Variants in FMC1 observed in about 807,000 individuals in gnomAD.
FMC1 encodes the protein protein FMC1 homolog.
A neutral mutation model predicts 10.5 loss-of-function variants in FMC1; 6 were observed. That is an observed-to-expected ratio of 0.57 (90% CI 0.31 to 1.12). FMC1 has a LOEUF of 1.12. Ranked by LOEUF, FMC1 falls within the 50% of genes most tolerant of loss-of-function variation. The probability of loss-of-function intolerance (pLI) is 0.05; values close to 1 mark genes in which losing one functional copy is unlikely to be tolerated. For missense variants in FMC1, 146 were observed against 151.7 expected, an observed-to-expected ratio of 0.96 and a Z score of 0.20; for synonymous variants, 59 against 62.1, an observed-to-expected ratio of 0.95 and a Z score of 0.24.
chr7:139,343,882 C>T (rs572863664), intron 1 of FMC1, among the ~76,000 whole-genome samples: 156 of 145,558 alleles, frequency 1.1e-3, no homozygotes, highest in African/African-American at 3.8e-3. Flanking sequence ...GCCATGTTCA[C>T]GCTATTGCAC....
chr7:139,341,540 C>T lies in FMC1; in HGVS notation c.138+18C>T. 2 of 1,606,932 alleles carry T rather than the reference C, an allele frequency of 1.2e-6. No individual in the cohort carries two copies. On this transcript the variant is annotated intron_variant, in intron 1 of 1. Transcript: ENST00000297534. ...CACATCGGGTACGGGAGCCATGTCC[C>T]GGGTGCTCTACGTGCTGGGGAGGGA...
chr7:139,341,624 G>C, intron 1 of FMC1, 102 bp downstream of exon 1: 1 of 1,508,286 alleles, frequency 6.6e-7, no homozygotes, highest in South Asian at 1.3e-5. Flanking sequence ...GCATTTCTGA[G>C]GCCAACCCTC....
rs892018569 is a variant in FMC1 at position 139,345,852 on chromosome 7, T to C, written c.*148T>C. 2.3e-6 allele frequency: 2 copies of C among 861,064 alleles called. No individual in the cohort carries two copies. Among genetic ancestry groups the C allele is most frequent in the Non-Finnish European group, 3.3e-6 (2 of 598,982 alleles). 53.3% of individuals were successfully genotyped at this position (861,064 alleles called of 1,614,324 possible). On this transcript the variant is annotated 3_prime_UTR_variant, in exon 2 of 2. Coordinates refer to ENST00000297534, the MANE Select transcript of FMC1 (RefSeq NM_197964.5). Reference sequence around the variant, plus strand: ...TTAGGGGAATTAACTGGACATTTCATCTTTACTCTCAGTGAATTTACTGAA... The same window carrying C: ...TTAGGGGAATTAACTGGACATTTCACCTTTACTCTCAGTGAATTTACTGAA...
At chr7:139,345,462 C>G (rs370455583) in intron 1 of FMC1, 39 bp from the exon 2 acceptor site, 35 of 1,612,442 alleles carry the variant, frequency 2.2e-5, no homozygotes, top group Non-Finnish European at 4.2e-6. Flanking sequence ...ACCTGTATCT[C>G]TAGCTGGGTT....
intron 1 of FMC1, 82 bp from the exon 2 acceptor site, chr7:139,345,419 G>A (rs4410856): frequency 4.3e-5 from 67 of 1,560,406 alleles, no homozygotes; most frequent in Non-Finnish European, 5.6e-5. Flanking sequence ...TTTCACTCTA[G>A]TGAATGCTTA....
chr7:139,340,614 G>A (rs187458867), upstream of FMC1: 2,589 of 397,056 alleles, frequency 6.5e-3, 23 homozygotes, highest in Middle Eastern at 0.026. Flanking sequence ...GGTTTCGTGG[G>A]ATAGGGTAAG....
intron 1 of FMC1, 138 bp from the exon 2 acceptor site, chr7:139,345,363 A>G (rs1799221238): frequency 7.6e-7 from 1 of 1,315,530 alleles, no homozygotes; most frequent in South Asian, 1.5e-5. Context: ...TGTATTAAGT[A>G]TACATGTATA....
At chr7:139,340,794 T>C (rs1488500157), upstream of FMC1, among the ~76,000 whole-genome samples, 1 of 152,104 alleles carries the variant, frequency 6.6e-6, no homozygotes, top group African/African-American at 2.4e-5. Context: ...TTGTCCTTTT[T>C]TCCCCTTTCT....
At chr7:139,341,704 C>T (rs897822560) in intron 1 of FMC1, among the ~76,000 whole-genome samples, 182 bp downstream of exon 1, 1 of 151,946 alleles carries the variant, frequency 6.6e-6, no homozygotes, top group Admixed American at 6.6e-5. Context: ...AACTCGGGGA[C>T]CAAAGGACCA....
At position 139,341,521 on chromosome 7, in the gene FMC1, G is replaced by A; in HGVS notation, c.137G>A (p.Arg46Gln). The A allele has an allele frequency of 6.2e-7, 1 of 1,611,366 alleles. No individual in the cohort carries two copies. Residue 46 changes from arginine (R) to glutamine (Q), a missense_variant and splice_region_variant, in exon 1 of 2, where the codon CGG becomes CAG. Physicochemically the swap from Arg to Gln is conservative, Grantham distance 43. Coordinates refer to ENST00000297534, the MANE Select transcript of FMC1 (RefSeq NM_197964.5). ...CTTGTGAAGGCTTTCCGTGCACATC[G>A]GGTACGGGAGCCATGTCCCGGGTGC... ...RYLVKAFRAH[R>Q]VTSEKLCRAQ... is the part of the protein sequence containing the mutation.
upstream of FMC1, among the ~76,000 whole-genome samples, chr7:139,340,845 A>T (rs559163975): frequency 8.8e-3 from 1,269 of 143,766 alleles, 23 homozygotes; most frequent in African/African-American, 0.031. Context: ...TTTTTTTTTT[A>T]AATGGGAAGT....
At chr7:139,345,418 A>G in intron 1 of FMC1, 83 bp from the exon 2 acceptor site, 1 of 1,557,656 alleles carries the variant, frequency 6.4e-7, no homozygotes, top group Non-Finnish European at 8.7e-7. Context: ...CTTTCACTCT[A>G]GTGAATGCTT....
chr7:139,343,274 A>G (rs2131139003), intron 1 of FMC1, among the ~76,000 whole-genome samples: 1 of 152,366 alleles, frequency 6.6e-6, no homozygotes, highest in South Asian at 2.1e-4. Flanking sequence ...AATTTAAATT[A>G]CTAAAAAGTT....
chr7:139,341,644 C>T, intron 1 of FMC1, 122 bp downstream of exon 1: 1 of 1,471,834 alleles, frequency 6.8e-7, no homozygotes, highest in South Asian at 1.3e-5. Flanking sequence ...CCCACGGAGC[C>T]CTGGTTCTGA....
chr7:139,343,662 C>T (rs1357102574), intron 1 of FMC1, among the ~76,000 whole-genome samples: 1 of 152,078 alleles, frequency 6.6e-6, no homozygotes, highest in East Asian at 1.9e-4. Flanking sequence ...AGGCCAGGAG[C>T]GGTGGCTCAC....
chr7:139,342,762 C>A lies in FMC1; in HGVS notation c.138+1240C>A, dbSNP rs77792993. On this transcript the variant is annotated intron_variant, in intron 1 of 1. Coordinates refer to ENST00000297534, the MANE Select transcript of FMC1 (RefSeq NM_197964.5). ...CAGGCGTGAACTATCAAACCTGGCC[C>A]CATTCTAAGATTTTTAAGGAGGTGA... Among the ~76,000 whole-genome samples the A allele has an allele frequency of 4.3e-3, 657 of 152,206 alleles. 4 individuals are homozygous for A. Among genetic ancestry groups the A allele is most frequent in the African/African-American group, 0.015 (621 of 41,528 alleles).
At chr7:139,345,435 T>G in intron 1 of FMC1, 66 bp from the exon 2 acceptor site, 1 of 1,590,434 alleles carries the variant, frequency 6.3e-7, no homozygotes. Context: ...GCTTATTTAT[T>G]AAATCTTTCT....
chr7:139,344,402 A>C (rs560307240), intron 1 of FMC1, among the ~76,000 whole-genome samples: 1 of 152,288 alleles, frequency 6.6e-6, no homozygotes, highest in South Asian at 2.1e-4. Flanking sequence ...TGTCATCTCT[A>C]GATTATAATA....
At chr7:139,340,765 C>T (rs1381173430), upstream of FMC1, 2 of 372,152 alleles carry the variant, frequency 5.4e-6, no homozygotes, top group Non-Finnish European at 9.5e-6. Flanking sequence ...CGAGTCCCAT[C>T]TGGGGTGGCC....
Sources: allele counts gnomAD v4.1 joint callset (sites outside exome capture counted in the v4.1 genomes callset), GRCh38; gene constraint gnomAD v4.1.1; transcripts MANE v1.5; gene names NCBI Gene and HGNC (gene_info 2026-07-23, HGNC 2026-07-21).